ZNF804B: variants seen among roughly 807,000 people sequenced by gnomAD.
ZNF804B encodes the protein zinc finger protein 804B.
Under a neutral mutation model 101.4 loss-of-function variants are expected in ZNF804B, and 80 were observed. That is an observed-to-expected ratio of 0.79 (90% CI 0.66 to 0.95). The LOEUF (loss-of-function observed/expected upper bound fraction) is 0.95. Among genes scored for constraint, ZNF804B ranks in the 40% least tolerant of loss-of-function variants. The pLI is 0.00. For missense variants in ZNF804B, 1,673 were observed against 1,561.9 expected, an observed-to-expected ratio of 1.07 and a Z score of -1.20; for synonymous variants, 622 against 558.8, an observed-to-expected ratio of 1.11 and a Z score of -1.59.
chr7:89,320,402 A>T (rs545160599), intron 2 of ZNF804B, among the ~76,000 whole-genome samples: 6 of 152,274 alleles, frequency 3.9e-5, no homozygotes, highest in African/African-American at 1.4e-4. Flanking sequence ...TGATAGTCTT[A>T]TCTGCTGACT....
In ZNF804B at chr7:88,885,694, A is replaced by G. The variant is rs1017769488; in HGVS notation, c.108+125610A>G. Among the ~76,000 whole-genome samples, 3 of 151,146 alleles carry G rather than the reference A, an allele frequency of 2.0e-5. No homozygotes were observed. In the East Asian group the frequency reaches 5.8e-4, roughly 29 times the overall value. Reference sequence around the variant, plus strand: ...CAGAAATTAGTTTTTTACTTTTCATAAGTTTTACTTTTCATAGTTTTCTTA... The same window carrying G: ...CAGAAATTAGTTTTTTACTTTTCATGAGTTTTACTTTTCATAGTTTTCTTA... On this transcript the variant is annotated intron_variant, in intron 1 of 3. Coordinates refer to ENST00000333190, the MANE Select transcript of ZNF804B (RefSeq NM_181646.5).
rs146457271 is a variant in ZNF804B, at chr7:89,217,555, A to G, written c.109-600A>G. On this transcript the variant is annotated intron_variant, in intron 1 of 3. Coordinates refer to ENST00000333190, the MANE Select transcript of ZNF804B (RefSeq NM_181646.5). ...ATTCTATAATCAAAAGAGGATTTTA[A>G]GCAGGAGAATTATGTAGCCAAAACT... 7.2e-4 allele frequency among the ~76,000 whole-genome samples: 109 copies of G among 152,354 alleles called. 1 individual carries two copies. The highest frequency in any genetic ancestry group is 6.8e-3 in the Middle Eastern group (2 of 294).
chr7:89,164,461 T>C (rs1409609596), intron 1 of ZNF804B, among the ~76,000 whole-genome samples: 2 of 152,126 alleles, frequency 1.3e-5, no homozygotes, highest in Admixed American at 1.3e-4. Flanking sequence ...GACAATTCTG[T>C]GTCGGTTGCC....
At chr7:89,209,288 T>G (rs1788767349) in intron 1 of ZNF804B, among the ~76,000 whole-genome samples, 1 of 152,066 alleles carries the variant, frequency 6.6e-6, no homozygotes, top group Non-Finnish European at 1.5e-5. Context: ...GTGGGCATCT[T>G]TGATGAATCA....
chr7:88,943,499 A>C (rs1274237160), intron 1 of ZNF804B, among the ~76,000 whole-genome samples: 1 of 151,932 alleles, frequency 6.6e-6, no homozygotes. Context: ...TAAATTTGTA[A>C]TAAAAAGTTT....
intron 1 of ZNF804B, among the ~76,000 whole-genome samples, chr7:88,928,099 G>T (rs760468581): frequency 1.3e-5 from 2 of 152,100 alleles, no homozygotes; most frequent in East Asian, 1.9e-4. Flanking sequence ...TCTTCCAGAA[G>T]CTGGTCAAAT....
intron 1 of ZNF804B, among the ~76,000 whole-genome samples, chr7:89,210,139 T>G (rs1160775400): frequency 7.3e-6 from 1 of 136,608 alleles, no homozygotes; most frequent in Non-Finnish European, 1.6e-5. Flanking sequence ...GAGTGAGACT[T>G]CATATCAAAA....
chr7:88,773,299 A>G (rs1227547242), intron 1 of ZNF804B, among the ~76,000 whole-genome samples: 2 of 152,238 alleles, frequency 1.3e-5, no homozygotes, highest in Non-Finnish European at 2.9e-5. Flanking sequence ...AGCAGGAATT[A>G]GCAGTATGTG....
intron 1 of ZNF804B, among the ~76,000 whole-genome samples, chr7:89,074,434 A>G (rs922052713): frequency 6.6e-6 from 1 of 152,144 alleles, no homozygotes; most frequent in African/African-American, 2.4e-5. Context: ...ATAGTGAATG[A>G]GTCTTATGAG....
chr7:88,802,155 T>G (rs1352799510), intron 1 of ZNF804B, among the ~76,000 whole-genome samples: 1 of 152,144 alleles, frequency 6.6e-6, no homozygotes, highest in Non-Finnish European at 1.5e-5. Flanking sequence ...CTTCACCTTC[T>G]GCCATGACTG....
chr7:89,005,910 CATA>C (rs891617402), intron 1 of ZNF804B, among the ~76,000 whole-genome samples: 10 of 152,080 alleles, frequency 6.6e-5, no homozygotes, highest in African/African-American at 1.9e-4. Context: ...CTCTACAAGA[CATA>C]ATTAGTCTTT....
At chr7:89,203,853 T>G (rs1788680398) in intron 1 of ZNF804B, among the ~76,000 whole-genome samples, 1 of 152,232 alleles carries the variant, frequency 6.6e-6, no homozygotes, top group African/African-American at 2.4e-5. Flanking sequence ...TAATATGTCA[T>G]CTTAGGAGTT....
In ZNF804B at chr7:89,336,437, C is replaced by T. The variant is rs1304201915; in HGVS notation, c.3455C>T (p.Pro1152Leu). ...ATTCAACAGCCCATAACATTTTCTC[C>T]TGACGAAATAGATAAATATAAGATC... Reference protein sequence around the residue: ...PLIQQPITFSPDEIDKYKILQ... With the variant: ...PLIQQPITFSLDEIDKYKILQ... Residue 1152 changes from proline (P) to leucine (L), a missense_variant, in exon 4 of 4, where the codon CCT becomes CTT. By Grantham distance (98) the Pro-to-Leu change is moderately conservative. Coordinates refer to ENST00000333190, the MANE Select transcript of ZNF804B (RefSeq NM_181646.5). 1 of 1,614,068 alleles carries T rather than the reference C, an allele frequency of 6.2e-7. No homozygotes were observed. Among genetic ancestry groups the T allele is most frequent in the Non-Finnish European group, 8.5e-7 (1 of 1,180,004 alleles).
Position 89,334,061 on chromosome 7 carries a change from C to T in ZNF804B, c.1079C>T (p.Pro360Leu). 6.2e-7 allele frequency: 1 copy of T among 1,613,538 alleles called. No individual in the cohort carries two copies. Among genetic ancestry groups the T allele is most frequent in the Non-Finnish European group, 8.5e-7 (1 of 1,179,770 alleles). ...ACTTTAGAAAATTGTGTTAATCACC[C>T]ATGCCAAGCAAATGCTTCCTTCAGC... ...KNTLENCVNH[P>L]CQANASFSPP... Residue 360 changes from proline to leucine, a missense_variant, in exon 4 of 4, where the codon CCA becomes CTA. Transcript: ENST00000333190.
chr7:88,918,969 A>G (rs1792678594), intron 1 of ZNF804B, among the ~76,000 whole-genome samples: 1 of 152,054 alleles, frequency 6.6e-6, no homozygotes, highest in African/African-American at 2.4e-5. Flanking sequence ...ATGATGGACA[A>G]TTTTCATTTT....
intron 1 of ZNF804B, among the ~76,000 whole-genome samples, chr7:89,025,536 G>A (rs939280789): frequency 9.2e-5 from 14 of 151,946 alleles, no homozygotes; most frequent in Non-Finnish European, 1.8e-4. Flanking sequence ...TACTATAAAC[G>A]TCCCAGAAAA....
chr7:88,854,799 C>T (rs1190711765), intron 1 of ZNF804B, among the ~76,000 whole-genome samples: 4 of 136,312 alleles, frequency 2.9e-5, no homozygotes, highest in African/African-American at 1.1e-4. Flanking sequence ...GTTCCCCTTC[C>T]TGTGTCCATG....
At chr7:88,794,089 C>T in intron 1 of ZNF804B, 1 of 1,040,052 alleles carries the variant, frequency 9.6e-7, no homozygotes, top group African/African-American at 1.6e-5. Flanking sequence ...TGTTCTGTTT[C>T]TTTTAAAAGA....
chr7:89,107,714 A>G (rs1303306036), intron 1 of ZNF804B, among the ~76,000 whole-genome samples: 1 of 152,122 alleles, frequency 6.6e-6, no homozygotes, highest in African/African-American at 2.4e-5. Flanking sequence ...AAGAATGATA[A>G]TTTCCTTGAA....
Sources: gnomAD v4.1 joint callset for allele counts (sites outside exome capture counted in the v4.1 genomes callset) on GRCh38, gnomAD v4.1.1 for gene constraint, MANE v1.5 for transcripts, NCBI Gene and HGNC (gene_info 2026-07-23, HGNC 2026-07-21) for gene names.